The following PPP1R9A variants were observed in gnomAD, a reference collection of about 807,000 sequenced individuals.
The protein encoded by PPP1R9A is protein phosphatase 1 regulatory subunit 9A.
Under a neutral mutation model 141.9 loss-of-function variants are expected in PPP1R9A, and 59 were observed. The observed-to-expected ratio is 0.42, with a 90% CI of 0.34 to 0.52. The LOEUF is 0.52. PPP1R9A is among the 20% of genes least tolerant of loss of function. The pLI is 0.10. For missense variants in PPP1R9A, 1,444 were observed against 1,611.9 expected, an observed-to-expected ratio of 0.90 and a Z score of 1.78; for synonymous variants, 500 against 569.7, an observed-to-expected ratio of 0.88 and a Z score of 1.74.
intron 4 of PPP1R9A, among the ~76,000 whole-genome samples, chr7:95,129,856 A>G (rs1273598372): frequency 6.6e-6 from 1 of 152,142 alleles, no homozygotes; most frequent in Non-Finnish European, 1.5e-5. Context: ...CGTGAGAGAG[A>G]TGATGTAGGA....
intron 2 of PPP1R9A, among the ~76,000 whole-genome samples, chr7:95,027,094 G>GTTCTGTCT (rs1246887568): frequency 1.3e-5 from 2 of 152,106 alleles, no homozygotes; most frequent in Non-Finnish European, 2.9e-5. Context: ...GGAGTGAATG[G>GTTCTGTCT]TTCTGTCTTG....
rs1825310548 is a variant in PPP1R9A at position 95,134,659 on chromosome 7, TC to T, written c.1649+13830del. Among the ~76,000 whole-genome samples, 4 of 152,072 alleles carry T rather than the reference TC, an allele frequency of 2.6e-5. 1 individual carries two copies. In the South Asian group the frequency reaches 8.3e-4, roughly 31 times the overall value. ...CATGTTGGTCAAGCTGGTCTCAAAC[TC>T]CCGACCTCAGGTGATGTACCCACCT... On this transcript the variant is annotated intron_variant, in intron 4 of 19. Transcript: ENST00000433360.
At chr7:95,192,463 T>C (rs1231959296) in intron 5 of PPP1R9A, among the ~76,000 whole-genome samples, 1 of 152,078 alleles carries the variant, frequency 6.6e-6, no homozygotes, top group East Asian at 1.9e-4. Context: ...ACATGATCTA[T>C]TGATGTTGCC....
rs1443741272 is a variant in PPP1R9A at position 95,293,990 on chromosome 7, C to A, written c.*3687C>A. ...CATCTATACTTTGGATATGTTGTAG[C>A]CCCATCATTACACTGAGATATTTCC... On this transcript the variant is annotated 3_prime_UTR_variant, in exon 20 of 20. Coordinates refer to ENST00000433360, the MANE Select transcript of PPP1R9A (RefSeq NM_001166160.2). 1 of 152,130 alleles carries A rather than the reference C, an allele frequency of 6.6e-6. No individual in the cohort carries two copies. Among genetic ancestry groups the A allele is most frequent in the Non-Finnish European group, 1.5e-5 (1 of 68,034 alleles). 9.4% of individuals were successfully genotyped at this position (152,130 alleles called of 1,614,324 possible). A position where few individuals can be genotyped will look rare whatever the true frequency, so the allele number is the denominator to read the frequency against.
rs1000588573 is a variant in PPP1R9A, at chr7:95,022,514, T to C, written c.1396-88745T>C. Reference sequence around the variant, plus strand: ...GCCCTGGCCAGAACTTCCAATACTATATTGAATAGTAGTGGTAAGAGAGGG... The same window carrying C: ...GCCCTGGCCAGAACTTCCAATACTACATTGAATAGTAGTGGTAAGAGAGGG... On this transcript the variant is annotated intron_variant, in intron 2 of 19. Transcript: ENST00000433360. 3.3e-5 allele frequency among the ~76,000 whole-genome samples: 5 copies of C among 152,288 alleles called. No homozygotes were observed. The East Asian group carries it at 5.8e-4, about 18-fold the overall frequency.
At chr7:95,183,012 T>G (rs949113513) in intron 5 of PPP1R9A, among the ~76,000 whole-genome samples, 2 of 152,202 alleles carry the variant, frequency 1.3e-5, no homozygotes, top group African/African-American at 4.8e-5. Flanking sequence ...GATGTAGTAT[T>G]TTTGGAAAAT....
chr7:95,217,544 G>C (rs748600879), intron 7 of PPP1R9A, among the ~76,000 whole-genome samples: 90 of 152,158 alleles, frequency 5.9e-4, no homozygotes, highest in Non-Finnish European at 9.7e-4. Flanking sequence ...CAGAAGGAAT[G>C]GTACCAGCTC....
intron 5 of PPP1R9A, among the ~76,000 whole-genome samples, chr7:95,168,534 A>AT (rs1430901319): frequency 6.8e-6 from 1 of 147,750 alleles, no homozygotes; most frequent in African/African-American, 2.5e-5. Context: ...AAAAAAAAAA[A>AT]GGATAAGTGG....
intron 2 of PPP1R9A, among the ~76,000 whole-genome samples, chr7:95,052,910 C>T (rs1280882012): frequency 1.3e-5 from 2 of 152,174 alleles, no homozygotes; most frequent in Non-Finnish European, 1.5e-5. Flanking sequence ...TTTCTCTTGT[C>T]GTTGTGTCTG....
rs68186534 is a variant in PPP1R9A, at chr7:94,975,356, G to GT, written c.1395+63875dup. Among the ~76,000 whole-genome samples, 408 of 120,654 alleles carry GT rather than the reference G, an allele frequency of 3.4e-3. 5 individuals carry two copies. The highest frequency in any genetic ancestry group is 5.1e-3 in the Non-Finnish European group (292 of 56,722). 79.2% of individuals were successfully genotyped at this position (120,654 alleles called of 152,430 possible). A position where few individuals can be genotyped will look rare whatever the true frequency, so the allele number is the denominator to read the frequency against. ...TCTGGACAGGCTGTAGTTTTTTTTT[G>GT]TTTTTTTTTTTTTTTTTTTTTTTTT... On this transcript the variant is annotated intron_variant, in intron 2 of 19. Coordinates refer to ENST00000433360, the MANE Select transcript of PPP1R9A (RefSeq NM_001166160.2).
At chr7:95,192,023 T>G (rs941164605) in intron 5 of PPP1R9A, among the ~76,000 whole-genome samples, 3 of 152,078 alleles carry the variant, frequency 2.0e-5, no homozygotes, top group Non-Finnish European at 2.9e-5. Context: ...TTGAAGGTTT[T>G]AAAAATTCAA....
intron 2 of PPP1R9A, among the ~76,000 whole-genome samples, chr7:95,048,904 G>T (rs906745846): frequency 6.6e-6 from 1 of 151,958 alleles, no homozygotes; most frequent in South Asian, 2.1e-4. Flanking sequence ...TTATATAAGT[G>T]TATCTGTTAT....
chr7:95,145,648 C>T (rs1827475148), intron 4 of PPP1R9A, among the ~76,000 whole-genome samples: 1 of 152,142 alleles, frequency 6.6e-6, no homozygotes, highest in Admixed American at 6.5e-5. Context: ...GCGGCTCACA[C>T]CTGTAATCTC....
At chr7:95,242,199 C>T (rs1056484985) in intron 8 of PPP1R9A, among the ~76,000 whole-genome samples, 5 of 152,122 alleles carry the variant, frequency 3.3e-5, no homozygotes, top group Non-Finnish European at 7.4e-5. Context: ...GCTTTGATTT[C>T]TTTTGTGAAG....
intron 3 of PPP1R9A, among the ~76,000 whole-genome samples, chr7:95,117,528 A>C (rs1002901184): frequency 2.6e-5 from 4 of 152,178 alleles, no homozygotes; most frequent in African/African-American, 9.7e-5. Flanking sequence ...AATCTGAGTA[A>C]TTTTCCAGTT....
chr7:95,186,100 G>C (rs1163087005), intron 5 of PPP1R9A, among the ~76,000 whole-genome samples: 1 of 151,954 alleles, frequency 6.6e-6, no homozygotes, highest in African/African-American at 2.4e-5. Flanking sequence ...CATTGAATTT[G>C]TAGATTGCTT....
At chr7:95,141,255 A>G (rs1008265924) in intron 4 of PPP1R9A, among the ~76,000 whole-genome samples, 3 of 152,196 alleles carry the variant, frequency 2.0e-5, no homozygotes, top group African/African-American at 4.8e-5. Flanking sequence ...AAACTAGGCC[A>G]AGTGATTAGA....
intron 2 of PPP1R9A, among the ~76,000 whole-genome samples, chr7:94,939,641 A>G (rs1344603531): frequency 6.6e-6 from 1 of 152,042 alleles, no homozygotes; most frequent in Non-Finnish European, 1.5e-5. Flanking sequence ...TGAACAGTTT[A>G]TGTAACAAAT....
In PPP1R9A at chr7:95,205,015, C is replaced by A. The variant is rs912372659; in HGVS notation, c.1956+1285C>A. Among the ~76,000 whole-genome samples the A allele has an allele frequency of 2.0e-5, 3 of 151,408 alleles. No homozygotes were observed. The South Asian group carries it at 6.3e-4, about 32-fold the overall frequency. ...GCACACACCATACACACCACACACACGCCACACACACACACACTCACTCTG... is the reference window on the plus strand; with the variant it reads ...GCACACACCATACACACCACACACAAGCCACACACACACACACTCACTCTG... On this transcript the variant is annotated intron_variant, in intron 7 of 19. Transcript: ENST00000433360.
Sources: allele counts gnomAD v4.1 joint callset (sites outside exome capture counted in the v4.1 genomes callset), GRCh38; gene constraint gnomAD v4.1.1; transcripts MANE v1.5; gene names NCBI Gene and HGNC (gene_info 2026-07-23, HGNC 2026-07-21).